APBA1: variants seen among roughly 807,000 people sequenced by gnomAD.
APBA1 encodes amyloid beta precursor protein binding family A member 1.
APBA1 carries 55 observed loss-of-function variants against 86.6 expected under a neutral mutation model. That is an observed-to-expected ratio of 0.64 (90% CI 0.51 to 0.80). The LOEUF is 0.80. Ranked by LOEUF, APBA1 falls within the 30% of genes least tolerant of loss-of-function variation. The pLI is 0.00. For synonymous variants in APBA1, 511 were observed against 493.9 expected, an observed-to-expected ratio of 1.03 and a Z score of -0.46; for missense variants, 1,090 against 1,183.0, an observed-to-expected ratio of 0.92 and a Z score of 1.15.
chr9:69,646,191 G>T (rs1823386949), intron 1 of APBA1, among the ~76,000 whole-genome samples: 1 of 152,068 alleles, frequency 6.6e-6, no homozygotes, highest in Admixed American at 6.5e-5. Context: ...TAAATATGCT[G>T]TATTTGTTGC....
At chr9:69,665,874 T>C (rs1347017075) in intron 1 of APBA1, among the ~76,000 whole-genome samples, 1 of 152,200 alleles carries the variant, frequency 6.6e-6, no homozygotes, top group African/African-American at 2.4e-5. Context: ...TAGCTGGGAC[T>C]ACAAGCATGC....
rs1432048921 is a variant in APBA1, at chr9:69,428,951, T to C, written c.*2376A>G. On this transcript the variant is annotated 3_prime_UTR_variant, in exon 13 of 13. Coordinates refer to ENST00000265381, the MANE Select transcript of APBA1 (RefSeq NM_001163.4). ...CAGTCCTCTAGGAGAGCTTGCAGAATTGGCTTTTTCAGCACCTCTCAAAGT... is the reference window on the plus strand; with the variant it reads ...CAGTCCTCTAGGAGAGCTTGCAGAACTGGCTTTTTCAGCACCTCTCAAAGT... 1.3e-5 allele frequency: 2 copies of C among 152,254 alleles called. No homozygotes were observed. Among genetic ancestry groups the C allele is most frequent in the Non-Finnish European group, 2.9e-5 (2 of 68,042 alleles). 9.4% of individuals were successfully genotyped at this position (152,254 alleles called of 1,614,324 possible). A position where few individuals can be genotyped will look rare whatever the true frequency, so the allele number is the denominator to read the frequency against.
At chr9:69,577,600 A>G (rs1445470857) in intron 1 of APBA1, among the ~76,000 whole-genome samples, 4 of 152,228 alleles carry the variant, frequency 2.6e-5, no homozygotes, top group African/African-American at 9.6e-5. Flanking sequence ...GCTGTGAGTG[A>G]AGAAACCACA....
In APBA1 at chr9:69,516,393, A is replaced by G. The variant is rs372399092; in HGVS notation, c.818T>C (p.Ile273Thr). 2.5e-6 allele frequency: 4 copies of G among 1,603,278 alleles called. No individual in the cohort carries two copies. The highest frequency in any genetic ancestry group is 3.4e-6 in the Non-Finnish European group (4 of 1,178,532). ...CATGCTCTGCTTCACCTCGGCCACTATCTGGTCGATGTCCTCCTCCTGCTC... is the reference window on the plus strand; with the variant it reads ...CATGCTCTGCTTCACCTCGGCCACTGTCTGGTCGATGTCCTCCTCCTGCTC... The part of the protein sequence containing the change: ...SYEQEEDIDQ[I>T]VAEVKQSMSS... The change falls in exon 2 of 13, where the codon ATA becomes ACA. Residue 273 changes from isoleucine to threonine, a missense_variant. By Grantham distance (89) the Ile-to-Thr change is moderately conservative. Around this residue, in one of 6 missense-constraint regions of APBA1, gnomAD observed 678 missense variants for 647.1 expected, o/e 1.05. Transcript: ENST00000265381. The surrounding 1 kb of genome is among the most constrained non-coding windows in gnomAD (Gnocchi z 7.3).
At chr9:69,586,451 A>C (rs547019513) in intron 1 of APBA1, among the ~76,000 whole-genome samples, 87 of 152,272 alleles carry the variant, frequency 5.7e-4, no homozygotes, top group Non-Finnish European at 1.1e-3. Context: ...CCTCCAGTTG[A>C]CTGACCTCTG....
intron 2 of APBA1, among the ~76,000 whole-genome samples, chr9:69,515,700 G>GC (rs1387806656): frequency 1.0e-5 from 1 of 95,882 alleles, no homozygotes; most frequent in Non-Finnish European, 2.2e-5. Flanking sequence ...TGGGGGGGGG[G>GC]GGGGCGGGGG....
At chr9:69,522,097 TA>T (rs1386810027) in intron 1 of APBA1, among the ~76,000 whole-genome samples, 48 of 137,114 alleles carry the variant, frequency 3.5e-4, no homozygotes, top group Admixed American at 5.2e-4. Context: ...ATATATAAAT[TA>T]TATATATATA....
At chr9:69,489,166 G>A (rs1275807782) in intron 2 of APBA1, among the ~76,000 whole-genome samples, 1 of 152,038 alleles carries the variant, frequency 6.6e-6, no homozygotes, top group Non-Finnish European at 1.5e-5. Context: ...AGCCCGCATT[G>A]CCAAGATAAT....
At chr9:69,488,355 T>C (rs1037843298) in intron 2 of APBA1, among the ~76,000 whole-genome samples, 2 of 152,152 alleles carry the variant, frequency 1.3e-5, no homozygotes, top group African/African-American at 4.8e-5. Flanking sequence ...AGATCAATAC[T>C]ATGTCATATA....
At chr9:69,499,851 A>C (rs1174742908) in intron 2 of APBA1, among the ~76,000 whole-genome samples, 1 of 152,048 alleles carries the variant, frequency 6.6e-6, no homozygotes, top group Non-Finnish European at 1.5e-5. Context: ...GTTCACACCA[A>C]GCCCTTACTT....
At chr9:69,446,363 C>T (rs1834908193) in intron 10 of APBA1, among the ~76,000 whole-genome samples, 2 of 152,194 alleles carry the variant, frequency 1.3e-5, no homozygotes, top group Non-Finnish European at 2.9e-5. Context: ...GTCTGCCCTG[C>T]TAAGTACTTC....
chr9:69,672,298 G>A lies in APBA1; in HGVS notation c.-215C>T. The A allele has an allele frequency of 5.7e-6, 1 of 175,848 alleles. No individual in the cohort carries two copies. The allele number at this position is 175,848 out of a possible 1,614,324, so 10.9% of individuals were successfully genotyped here. On this transcript the variant is annotated 5_prime_UTR_variant, in exon 1 of 13. Coordinates refer to ENST00000265381, the MANE Select transcript of APBA1 (RefSeq NM_001163.4). Reference sequence around the variant, plus strand: ...TCCCGCCGCAGCTGCCGCCGCCGCCGCCGCCGCCGGGACCGCAGCCGCCCT... The same window carrying A: ...TCCCGCCGCAGCTGCCGCCGCCGCCACCGCCGCCGGGACCGCAGCCGCCCT...
intron 2 of APBA1, among the ~76,000 whole-genome samples, chr9:69,505,014 G>A (rs1220708276): frequency 6.6e-6 from 1 of 151,952 alleles, no homozygotes; most frequent in Non-Finnish European, 1.5e-5. Flanking sequence ...CTTTGTTGGG[G>A]GGCGTCTACC....
intron 1 of APBA1, among the ~76,000 whole-genome samples, chr9:69,581,126 C>T (rs531373017): frequency 6.6e-6 from 1 of 152,274 alleles, no homozygotes; most frequent in South Asian, 2.1e-4. Context: ...TTGTAATTTA[C>T]TGGTACATCT....
chr9:69,668,118 T>G (rs534572721), intron 1 of APBA1, among the ~76,000 whole-genome samples: 1 of 152,282 alleles, frequency 6.6e-6, no homozygotes, highest in East Asian at 1.9e-4. Context: ...TACTTTTGCT[T>G]CTTCTTTCTT....
intron 1 of APBA1, among the ~76,000 whole-genome samples, chr9:69,611,285 G>GAAAAAAA (rs56357426): frequency 2.7e-4 from 30 of 111,902 alleles, no homozygotes; most frequent in Non-Finnish European, 3.5e-4. Context: ...ACCAGAAAAG[G>GAAAAAAA]AAAAAAAAAA....
chr9:69,564,527 T>C (rs1314095101), intron 1 of APBA1, among the ~76,000 whole-genome samples: 2 of 152,202 alleles, frequency 1.3e-5, no homozygotes, highest in Non-Finnish European at 2.9e-5. Flanking sequence ...GTGAAACTCA[T>C]GCTGTCAATC....
chr9:69,576,416 T>C (rs1821798233), intron 1 of APBA1, among the ~76,000 whole-genome samples: 2 of 152,216 alleles, frequency 1.3e-5, no homozygotes, highest in Admixed American at 6.5e-5. Flanking sequence ...CTTATGTTTA[T>C]TGCGGCACTA....
chr9:69,534,404 C>T (rs1392915585), intron 1 of APBA1, among the ~76,000 whole-genome samples: 1 of 152,268 alleles, frequency 6.6e-6, no homozygotes, highest in East Asian at 1.9e-4. Flanking sequence ...GGTCATCTAA[C>T]CAATGAGTTT....
Sources: allele counts gnomAD v4.1 joint callset (sites outside exome capture counted in the v4.1 genomes callset), GRCh38; gene constraint gnomAD v4.1.1; regional missense constraint gnomAD v4.1.1; non-coding constraint Gnocchi (gnomAD v3.1); transcripts MANE v1.5; gene names NCBI Gene and HGNC (gene_info 2026-07-23, HGNC 2026-07-21).